The following BCL7A variants were observed in gnomAD, a reference collection of about 807,000 sequenced individuals.
BCL7A encodes B-cell CLL/lymphoma 7 protein family member A.
A neutral mutation model predicts 28.4 loss-of-function variants in BCL7A; 11 were observed. The observed-to-expected ratio is 0.39, with a 90% CI of 0.24 to 0.64. The LOEUF is 0.64. BCL7A is among the 30% of genes least tolerant of loss of function. The pLI is 0.50. For missense variants in BCL7A, 222 were observed against 274.8 expected, an observed-to-expected ratio of 0.81 and a Z score of 1.36; for synonymous variants, 123 against 103.3, an observed-to-expected ratio of 1.19 and a Z score of -1.15.
chr12:122,061,238 A>G lies in BCL7A; in HGVS notation c.*2075A>G, dbSNP rs1370342768. 2 of 230,454 alleles carry G rather than the reference A, an allele frequency of 8.7e-6. No homozygotes were observed. The highest frequency in any genetic ancestry group is 4.4e-5 in the African/African-American group (2 of 45,144). 14.3% of individuals were successfully genotyped at this position (230,454 alleles called of 1,614,324 possible). On this transcript the variant is annotated 3_prime_UTR_variant, in exon 6 of 6. Transcript: ENST00000261822. ...ACAGCTGAAGGAGAATGAAACACACACATCCACAGAAACAGAGAGGCGTAG... is the reference window on the plus strand; with the variant it reads ...ACAGCTGAAGGAGAATGAAACACACGCATCCACAGAAACAGAGAGGCGTAG...
chr12:122,057,525 G>A (rs570649788), intron 5 of BCL7A, among the ~76,000 whole-genome samples: 8 of 152,306 alleles, frequency 5.3e-5, no homozygotes, highest in Non-Finnish European at 8.8e-5. Context: ...GCCAGAGGCC[G>A]GGTTGGAGGG....
chr12:122,039,506 A>G (rs12367575), intron 3 of BCL7A, among the ~76,000 whole-genome samples: 1 of 114,276 alleles, frequency 8.8e-6, no homozygotes, highest in African/African-American at 3.4e-5. Context: ...ATATATATAT[A>G]ATATATATAT....
Position 122,021,916 on chromosome 12 carries a change from T to G in BCL7A, c.-176T>G, listed in dbSNP as rs1383472713. Reference sequence around the variant, plus strand: ...GCCAGGCGCGCGGCGGCCCCGGGCTTTGTGTGTGTGTGTATGTGTGTGTGT... The same window carrying G: ...GCCAGGCGCGCGGCGGCCCCGGGCTGTGTGTGTGTGTGTATGTGTGTGTGT... On this transcript the variant is annotated 5_prime_UTR_variant, in exon 1 of 6. Coordinates refer to ENST00000261822, the MANE Select transcript of BCL7A (RefSeq NM_001024808.3). The G allele has an allele frequency of 1.0e-4, 36 of 353,894 alleles. No homozygotes were observed. Among genetic ancestry groups the G allele is most frequent in the Middle Eastern group, 8.3e-4 (1 of 1,202 alleles). The allele number at this position is 353,894 out of a possible 1,614,324, so 21.9% of individuals were successfully genotyped here.
At position 122,046,870 on chromosome 12, in the gene BCL7A, T is replaced by C. The variant is rs377087165; in HGVS notation, c.439+2817T>C. On this transcript the variant is annotated intron_variant, in intron 4 of 5. Coordinates refer to ENST00000261822, the MANE Select transcript of BCL7A (RefSeq NM_001024808.3). ...ATGGCCACTGTTGTTTTTCTTATTG[T>C]AGATTTTAAAAGGAAAATTAAGATA... 6.6e-5 allele frequency among the ~76,000 whole-genome samples: 10 copies of C among 151,846 alleles called. No homozygotes were observed. The East Asian group carries it at 1.7e-3, about 26-fold the overall frequency.
chr12:122,042,997 C>CT (rs1025394972), intron 3 of BCL7A, among the ~76,000 whole-genome samples: 3 of 151,574 alleles, frequency 2.0e-5, no homozygotes, highest in Non-Finnish European at 4.4e-5. Context: ...AAGTCATCTC[C>CT]CCTCCCCCAA....
chr12:122,055,151 G>T (rs567219465), intron 5 of BCL7A, among the ~76,000 whole-genome samples: 7 of 152,338 alleles, frequency 4.6e-5, no homozygotes, highest in African/African-American at 1.4e-4. Context: ...CCCTCAAGGA[G>T]CCTCTGGGTC....
chr12:122,025,207 A>T (rs1461963163), intron 1 of BCL7A, among the ~76,000 whole-genome samples: 1 of 152,224 alleles, frequency 6.6e-6, no homozygotes, highest in Admixed American at 6.5e-5. Context: ...GCTGCAGCGT[A>T]AGCTTGGAGG....
At position 122,029,525 on chromosome 12, in the gene BCL7A, C is replaced by G. The variant is rs548456589; in HGVS notation, c.93-1175C>G. Among the ~76,000 whole-genome samples the G allele has an allele frequency of 3.9e-5, 6 of 152,180 alleles. No individual in the cohort carries two copies. The highest frequency in any genetic ancestry group is 8.8e-5 in the Non-Finnish European group (6 of 68,034). On this transcript the variant is annotated intron_variant, in intron 1 of 5. Coordinates refer to ENST00000261822, the MANE Select transcript of BCL7A (RefSeq NM_001024808.3). This position sits in a 1 kb window ranked among gnomAD's most constrained non-coding sequence, Gnocchi z 4.3. Reference sequence around the variant, plus strand: ...CTCGTGCCACACAGAATTCTCAGTTCTGGGAATTTTTGTCACCAAAATTGC... The same window carrying G: ...CTCGTGCCACACAGAATTCTCAGTTGTGGGAATTTTTGTCACCAAAATTGC...
Position 122,059,520 on chromosome 12 carries a change from C to T in BCL7A, c.*357C>T, listed in dbSNP as rs1951902901. On this transcript the variant is annotated 3_prime_UTR_variant, in exon 6 of 6. Coordinates refer to ENST00000261822, the MANE Select transcript of BCL7A (RefSeq NM_001024808.3). The surrounding 1 kb of genome is among the most constrained non-coding windows in gnomAD (Gnocchi z 4.0). ...TAAGCTATCGGAGGGTGGTACCGATCAGGAACGCTTTTTGGCGGGGCTTTC... is the reference window on the plus strand; with the variant it reads ...TAAGCTATCGGAGGGTGGTACCGATTAGGAACGCTTTTTGGCGGGGCTTTC... 7.8e-6 allele frequency: 2 copies of T among 257,502 alleles called. No homozygotes were observed. The highest frequency in any genetic ancestry group is 2.4e-4 in the South Asian group (2 of 8,394). The allele number at this position is 257,502 out of a possible 1,614,324, so 16.0% of individuals were successfully genotyped here. A position where few individuals can be genotyped will look rare whatever the true frequency, so the allele number is the denominator to read the frequency against.
intron 5 of BCL7A, among the ~76,000 whole-genome samples, chr12:122,057,400 T>G (rs1422207967): frequency 3.3e-5 from 5 of 152,216 alleles, no homozygotes; most frequent in Admixed American, 3.3e-4. Context: ...CTGGGTTTGT[T>G]CAGAAGTCAG....
Position 122,022,024 on chromosome 12 carries a change from T to C in BCL7A, c.-68T>C. ...AGTGAGCGGCGGGCGGGCGCGAGTGTGGCCGCCGCGGAGCGCGAGCAGGAC... is the reference window on the plus strand; with the variant it reads ...AGTGAGCGGCGGGCGGGCGCGAGTGCGGCCGCCGCGGAGCGCGAGCAGGAC... On this transcript the variant is annotated 5_prime_UTR_variant, in exon 1 of 6. Coordinates refer to ENST00000261822, the MANE Select transcript of BCL7A (RefSeq NM_001024808.3). The C allele has an allele frequency of 2.1e-6, 3 of 1,408,018 alleles. No homozygotes were observed. The highest frequency in any genetic ancestry group is 1.3e-5 in the South Asian group (1 of 79,484). 87.2% of individuals were successfully genotyped at this position (1,408,018 alleles called of 1,614,324 possible).
Position 122,060,515 on chromosome 12 carries a change from T to G in BCL7A, c.*1352T>G, listed in dbSNP as rs549237260. 1.3e-5 allele frequency: 3 copies of G among 229,692 alleles called. No individual in the cohort carries two copies. Among genetic ancestry groups the G allele is most frequent in the Admixed American group, 5.7e-5 (1 of 17,670 alleles). 14.2% of individuals were successfully genotyped at this position (229,692 alleles called of 1,614,324 possible). On this transcript the variant is annotated 3_prime_UTR_variant, in exon 6 of 6. Transcript: ENST00000261822. ...GAGACGCCCCCTTGGACGAACTGCC[T>G]AATCGTTTGGTTCTGAGGCCTGGTT...
At chr12:122,036,641 C>T (rs182325452) in intron 3 of BCL7A, among the ~76,000 whole-genome samples, 1 of 122,470 alleles carries the variant, frequency 8.2e-6, no homozygotes, top group African/African-American at 5.0e-5. Context: ...TCCCCAGTGT[C>T]CCCCGCAGGT....
At chr12:122,023,253 T>TC (rs1159853630) in intron 1 of BCL7A, among the ~76,000 whole-genome samples, 3 of 152,174 alleles carry the variant, frequency 2.0e-5, no homozygotes, top group Admixed American at 6.5e-5. Flanking sequence ...ATTATTTTTT[T>TC]CCCACGCCTT....
intron 1 of BCL7A, among the ~76,000 whole-genome samples, chr12:122,022,389 G>A (rs1354956661): frequency 1.4e-5 from 2 of 144,014 alleles, no homozygotes; most frequent in Non-Finnish European, 3.1e-5. Flanking sequence ...CCGCTGCCCA[G>A]GTGCGCTCGC....
rs1367783826 is a variant in BCL7A at position 122,029,594 on chromosome 12, G to C, written c.93-1106G>C. The stretch of plus-strand genomic sequence containing the variant: ...CGTCGCCTGTACCAGGGGTGCGCCT[G>C]CCCCAACAGTGCCTGCTGGGCCCCT... On this transcript the variant is annotated intron_variant, in intron 1 of 5. Transcript: ENST00000261822. This position sits in a 1 kb window ranked among gnomAD's most constrained non-coding sequence, Gnocchi z 4.3. Among the ~76,000 whole-genome samples, 1 of 152,196 alleles carries C rather than the reference G, an allele frequency of 6.6e-6. No individual in the cohort carries two copies. The highest frequency in any genetic ancestry group is 1.9e-4 in the East Asian group (1 of 5,198).
rs1324815665 is a variant in BCL7A at position 122,022,192 on chromosome 12, A to C, written c.92+9A>C. 6.9e-7 allele frequency: 1 copy of C among 1,456,024 alleles called. No individual in the cohort carries two copies. The highest frequency in any genetic ancestry group is 9.1e-7 in the Non-Finnish European group (1 of 1,095,288). 90.2% of individuals were successfully genotyped at this position (1,456,024 alleles called of 1,614,324 possible). ...GAGAAAGTGCGCAAATGGTAAGCGG[A>C]GGCGCCCGCCGCCAGCCGCCTCCCC... On this transcript the variant is annotated intron_variant, in intron 1 of 5. Transcript: ENST00000261822.
intron 4 of BCL7A, 90 bp from the exon 5 acceptor site, chr12:122,054,715 C>G: frequency 7.4e-7 from 1 of 1,352,660 alleles, no homozygotes; most frequent in South Asian, 1.3e-5. Flanking sequence ...CCCAAAACTA[C>G]CCGATTCAAG....
At chr12:122,023,009 T>G (rs1883506603) in intron 1 of BCL7A, among the ~76,000 whole-genome samples, 1 of 152,226 alleles carries the variant, frequency 6.6e-6, no homozygotes, top group African/African-American at 2.4e-5. Flanking sequence ...GAGGGAGCTG[T>G]TGTTTTTGTT....
Sources: gnomAD v4.1 joint callset for allele counts (sites outside exome capture counted in the v4.1 genomes callset) on GRCh38, gnomAD v4.1.1 for gene constraint, Gnocchi (gnomAD v3.1) non-coding constraint, MANE v1.5 for transcripts, NCBI Gene and HGNC (gene_info 2026-07-23, HGNC 2026-07-21) for gene names.